The following SLC7A7 variants were observed in gnomAD, a reference collection of about 807,000 sequenced individuals.
The protein encoded by SLC7A7 is Y+L amino acid transporter 1.
In SLC7A7, 39 loss-of-function variants were observed where a neutral mutation model predicts 47.9. The ratio of observed to expected loss-of-function variants is 0.81; its 90% confidence interval spans 0.63 to 1.06. SLC7A7 has a LOEUF of 1.06. Ranked by LOEUF, SLC7A7 falls within the 50% of genes least tolerant of loss-of-function variation. SLC7A7 has a pLI of 0.00. For synonymous variants in SLC7A7, 234 were observed against 242.8 expected (o/e 0.96, Z 0.34); for missense variants, 588 against 632.0 (o/e 0.93, Z 0.75).
chr14:22,791,861 G>C (rs1429104970), intron 2 of SLC7A7, among the ~76,000 whole-genome samples: 1 of 146,042 alleles, frequency 6.8e-6, no homozygotes, highest in Non-Finnish European at 1.5e-5. Flanking sequence ...TTGAGATGGA[G>C]TCTCGCTCTG....
chr14:22,781,521 G>T (rs1165736326), intron 2 of SLC7A7, among the ~76,000 whole-genome samples: 3 of 152,016 alleles, frequency 2.0e-5, no homozygotes, highest in Non-Finnish European at 4.4e-5. Flanking sequence ...TTATCACAGG[G>T]CTGGGCAAAA....
intron 2 of SLC7A7, among the ~76,000 whole-genome samples, chr14:22,800,146 C>G (rs1005473797): frequency 6.6e-6 from 1 of 152,192 alleles, no homozygotes; most frequent in African/African-American, 2.4e-5. Flanking sequence ...TCCCAGCTTT[C>G]AATCCTACAT....
At position 22,779,557 on chromosome 14, in the gene SLC7A7, C is replaced by T. The variant is rs538678407; in HGVS notation, c.625+369G>A. Among the ~76,000 whole-genome samples the T allele has an allele frequency of 2.0e-5, 3 of 151,974 alleles. No homozygotes were observed. The East Asian group carries it at 5.8e-4, about 29-fold the overall frequency. On this transcript the variant is annotated intron_variant, in intron 3 of 9. Coordinates refer to ENST00000674313, the MANE Select transcript of SLC7A7 (RefSeq NM_003982.4). ...GCAACCACCGCCTCCTGGATTCAAG[C>T]GATTCTCCTGCCTCAGCCTCCCGAG...
chr14:22,795,921 T>C (rs879081546), intron 2 of SLC7A7, among the ~76,000 whole-genome samples: 1 of 151,900 alleles, frequency 6.6e-6, no homozygotes, highest in Admixed American at 6.6e-5. Flanking sequence ...ACATAGAACA[T>C]AGAAAGGAAG....
intron 2 of SLC7A7, among the ~76,000 whole-genome samples, chr14:22,791,848 TAA>T (rs1566451324): frequency 2.4e-4 from 33 of 137,912 alleles, no homozygotes; most frequent in Non-Finnish European, 3.0e-4. Context: ...TTTTTTTTTT[TAA>T]TTGAGATGGA....
intron 1 of SLC7A7, 27 bp from the exon 2 acceptor site, chr14:22,813,467 G>C: frequency 6.3e-7 from 1 of 1,591,014 alleles, no homozygotes; most frequent in Non-Finnish European, 8.5e-7. Flanking sequence ...TGATGCTATA[G>C]ATTAGGTGGT....
At position 22,773,593 on chromosome 14, in the gene SLC7A7, A is replaced by G; in HGVS notation, c.*17T>C. On this transcript the variant is annotated 3_prime_UTR_variant, in exon 10 of 10. Transcript: ENST00000674313. ...ACCAGAAACCCCTGCTTTCCACATC[A>G]GGATTCCAGATGGTGTTTAGTTAGA... is the stretch of plus-strand genomic sequence containing the variant. 1 of 1,590,992 alleles carries G rather than the reference A, an allele frequency of 6.3e-7. No homozygotes were observed.
At chr14:22,778,513 T>C (rs139655399) in intron 4 of SLC7A7, among the ~76,000 whole-genome samples, 1 of 152,318 alleles carries the variant, frequency 6.6e-6, no homozygotes, top group African/African-American at 2.4e-5. Context: ...AAAACATACA[T>C]AAGCATATAA....
chr14:22,780,295 G>T, intron 2 of SLC7A7: 1 of 480,490 alleles, frequency 2.1e-6, no homozygotes, highest in South Asian at 2.2e-5. Flanking sequence ...AGTGACTGCA[G>T]ATCTGCTTAC....
At chr14:22,805,404 A>T (rs2039184192) in intron 2 of SLC7A7, among the ~76,000 whole-genome samples, 1 of 152,228 alleles carries the variant, frequency 6.6e-6, no homozygotes, top group Non-Finnish European at 1.5e-5. Flanking sequence ...AAAATGTGGT[A>T]CATATATACC....
At chr14:22,785,652 C>A (rs1038035045) in intron 2 of SLC7A7, among the ~76,000 whole-genome samples, 4 of 148,640 alleles carry the variant, frequency 2.7e-5, no homozygotes, top group Non-Finnish European at 4.4e-5. Context: ...CACTTGAACT[C>A]GGGAGGTGGA....
intron 2 of SLC7A7, 62 bp from the exon 3 acceptor site, chr14:22,780,113 AAG>A: frequency 6.2e-7 from 1 of 1,609,354 alleles, no homozygotes; most frequent in East Asian, 2.2e-5. Context: ...TTAGACTCCC[AAG>A]CAATTTTTCC....
At chr14:22,775,315 A>G (rs1252988904) in intron 7 of SLC7A7, 129 bp downstream of exon 7, 3 of 835,362 alleles carry the variant, frequency 3.6e-6, no homozygotes, top group East Asian at 2.4e-5. Context: ...CGTGGTGAAC[A>G]TTCTGATCCA....
intron 5 of SLC7A7, 61 bp downstream of exon 5, chr14:22,776,134 C>G (rs974419984): frequency 6.2e-7 from 1 of 1,611,490 alleles, no homozygotes; most frequent in Non-Finnish European, 8.5e-7. Context: ...CTTTCAAGAG[C>G]CAGAATATAC....
In SLC7A7 at chr14:22,811,867, G is replaced by T. The variant is rs1174649954; in HGVS notation, c.499+1033C>A. ...CTCAAAAAAAAAAAAAAAAAAAAAG[G>T]AAGAATCCAGCCTACAGAAATACTC... On this transcript the variant is annotated intron_variant, in intron 2 of 9. Coordinates refer to ENST00000674313, the MANE Select transcript of SLC7A7 (RefSeq NM_003982.4). Among the ~76,000 whole-genome samples, 3 of 133,738 alleles carry T rather than the reference G, an allele frequency of 2.2e-5. No homozygotes were observed. In the East Asian group the frequency reaches 6.2e-4, roughly 28 times the overall value. The allele number at this position is 133,738 out of a possible 152,430, so 87.7% of individuals were successfully genotyped here.
chr14:22,812,086 A>G lies in SLC7A7; in HGVS notation c.499+814T>C, dbSNP rs898087747. Among the ~76,000 whole-genome samples the G allele has an allele frequency of 6.6e-5, 10 of 152,222 alleles. No individual in the cohort carries two copies. In the East Asian group the frequency reaches 1.9e-3, roughly 29 times the overall value. On this transcript the variant is annotated intron_variant, in intron 2 of 9. Coordinates refer to ENST00000674313, the MANE Select transcript of SLC7A7 (RefSeq NM_003982.4). ...AGAAAAGAATGTCACTGATAATGCT[A>G]GAGGAAAAGCACACTGTAGAATTAC...
At chr14:22,781,280 G>A (rs532391613) in intron 2 of SLC7A7, among the ~76,000 whole-genome samples, 23 of 152,162 alleles carry the variant, frequency 1.5e-4, no homozygotes, top group South Asian at 8.3e-4. Flanking sequence ...CCTTGGTGTC[G>A]CTAGTCCTCC....
chr14:22,773,407 G>T lies in SLC7A7; in HGVS notation c.*203C>A, dbSNP rs1218269859. The T allele has an allele frequency of 1.5e-6, 1 of 660,026 alleles. No homozygotes were observed. Among genetic ancestry groups the T allele is most frequent in the African/African-American group, 1.8e-5 (1 of 56,340 alleles). The allele number at this position is 660,026 out of a possible 1,614,324, so 40.9% of individuals were successfully genotyped here. ...GCTCCTCCCCACAGTCACCTTCATT[G>T]TCCCCTTTAAAAGTCTGGAACAGTA... On this transcript the variant is annotated 3_prime_UTR_variant, in exon 10 of 10. Coordinates refer to ENST00000674313, the MANE Select transcript of SLC7A7 (RefSeq NM_003982.4).
chr14:22,789,019 A>G (rs139154254), intron 2 of SLC7A7, among the ~76,000 whole-genome samples: 16 of 152,314 alleles, frequency 1.1e-4, no homozygotes, highest in African/African-American at 3.6e-4. Flanking sequence ...TATTTGAATA[A>G]AAAAATTAAA....
Sources: allele counts gnomAD v4.1 joint callset (sites outside exome capture counted in the v4.1 genomes callset), GRCh38; gene constraint gnomAD v4.1.1; transcripts MANE v1.5; gene names NCBI Gene and HGNC (gene_info 2026-07-23, HGNC 2026-07-21).